The following RAD9B variants were observed in gnomAD, a reference collection of about 807,000 sequenced individuals.
RAD9B encodes the protein cell cycle checkpoint control protein RAD9B.
In RAD9B, 41 loss-of-function variants were observed where a neutral mutation model predicts 48.3. That is an observed-to-expected ratio of 0.85 (90% CI 0.66 to 1.10). The LOEUF (loss-of-function observed/expected upper bound fraction) is 1.10, where lower values mean the gene tolerates loss of function less well. RAD9B is among the 50% of genes least tolerant of loss of function. RAD9B has a pLI of 0.00. For synonymous variants in RAD9B, 160 were observed against 157.9 expected (o/e 1.01, Z -0.10); for missense variants, 444 against 485.1 (o/e 0.92, Z 0.80).
At chr12:110,521,222 T>G (rs1257208632) in intron 9 of RAD9B, among the ~76,000 whole-genome samples, 4 of 152,112 alleles carry the variant, frequency 2.6e-5, no homozygotes, top group African/African-American at 7.2e-5. Context: ...AGTAGCACAG[T>G]CATAGCTCAT....
At chr12:110,514,578 A>G (rs11065656) in intron 5 of RAD9B, among the ~76,000 whole-genome samples, 4,182 of 152,336 alleles carry the variant, frequency 0.027, 92 homozygotes, top group Admixed American at 0.052. Flanking sequence ...TGAAAGCAAC[A>G]GGTAACAGTC....
Position 110,525,907 on chromosome 12 carries a change from G to T in RAD9B, c.1125+3496G>T, listed in dbSNP as rs564883893. Among the ~76,000 whole-genome samples the T allele has an allele frequency of 6.9e-3, 1,044 of 152,228 alleles. 1 individual carries two copies. The highest frequency in any genetic ancestry group is 9.4e-3 in the Non-Finnish European group (637 of 68,006). ...GGGTTTCACCATCTTGGCCAGGCTG[G>T]TCTTGAACTCCTGACCTCGTGATCC... On this transcript the variant is annotated intron_variant, in intron 10 of 10. Transcript: ENST00000409300.
intron 3 of RAD9B, among the ~76,000 whole-genome samples, chr12:110,506,253 A>G (rs947307866): frequency 1.3e-5 from 2 of 148,286 alleles, no homozygotes; most frequent in South Asian, 2.1e-4. Flanking sequence ...CGGTGGCACA[A>G]TCTCGGCTCA....
intron 5 of RAD9B, among the ~76,000 whole-genome samples, chr12:110,514,782 G>A (rs2135691503): frequency 6.6e-6 from 1 of 152,242 alleles, no homozygotes; most frequent in South Asian, 2.1e-4. Flanking sequence ...ATTTTATTCT[G>A]GAATTTTGTT....
At chr12:110,503,372 G>A (rs181177918) in intron 1 of RAD9B, 26 of 166,382 alleles carry the variant, frequency 1.6e-4, no homozygotes, top group Non-Finnish European at 2.2e-4. Flanking sequence ...GATGTATGTT[G>A]GATACCCCTA....
chr12:110,526,564 C>T (rs1272924587), intron 10 of RAD9B, among the ~76,000 whole-genome samples: 1 of 152,166 alleles, frequency 6.6e-6, no homozygotes, highest in Non-Finnish European at 1.5e-5. Context: ...CTTTTCTAGC[C>T]TTAGGTTCTT....
intron 1 of RAD9B, 29 bp from the exon 2 acceptor site, chr12:110,503,777 A>G (rs576028246): frequency 6.6e-6 from 10 of 1,520,140 alleles, no homozygotes; most frequent in Admixed American, 5.2e-5. Context: ...GGGAAAGAAT[A>G]TAAGCATCAC....
rs2063681273 is a variant in RAD9B, at chr12:110,518,658, T to C, written c.596-18T>C. The C allele has an allele frequency of 1.3e-6, 2 of 1,500,276 alleles. No homozygotes were observed. Among genetic ancestry groups the C allele is most frequent in the Admixed American group, 2.2e-5 (1 of 45,462 alleles). The allele number at this position is 1,500,276 out of a possible 1,614,324, so 92.9% of individuals were successfully genotyped here. A position where few individuals can be genotyped will look rare whatever the true frequency, so the allele number is the denominator to read the frequency against. On this transcript the variant is annotated intron_variant, in intron 6 of 10. Transcript: ENST00000409300. ...CTGGAACTAATTTTATTCTTTATTT[T>C]CCCATAATATTAAACAGATTTGAGC...
chr12:110,531,570 G>T lies in RAD9B; in HGVS notation c.*917G>T. 6.4e-7 allele frequency: 1 copy of T among 1,560,718 alleles called. No homozygotes were observed. Among genetic ancestry groups the T allele is most frequent in the Admixed American group, 1.7e-5 (1 of 58,194 alleles). On this transcript the variant is annotated 3_prime_UTR_variant, in exon 11 of 11. Transcript: ENST00000409300. ...ATTTTCAGATGTGATTTTTTATTTT[G>T]CAGTGTGCTGCAGGAAAGAATTTAA...
At position 110,518,910 on chromosome 12, in the gene RAD9B, A is replaced by T; in HGVS notation, c.739A>T (p.Ile247Leu). The stretch of plus-strand genomic sequence containing the variant: ...ATTTTCAGAAGCTACACATGCTCCT[A>T]TATCCATTTATTTTGATTTCCCTGG... ...LTFSEATHAP[I>L]SIYFDFPGKP... Residue 247 changes from isoleucine to leucine, a missense_variant, in exon 8 of 11, where the codon ATA becomes TTA. By Grantham distance (5) the Ile-to-Leu change is conservative. Transcript: ENST00000409300. 1 of 1,572,322 alleles carries T rather than the reference A, an allele frequency of 6.4e-7. No individual in the cohort carries two copies. The highest frequency in any genetic ancestry group is 8.6e-7 in the Non-Finnish European group (1 of 1,159,516).
At chr12:110,515,383 A>T (rs2063575649) in intron 6 of RAD9B, among the ~76,000 whole-genome samples, 1 of 152,186 alleles carries the variant, frequency 6.6e-6, no homozygotes, top group Non-Finnish European at 1.5e-5. Context: ...GAATGGGGCC[A>T]GGTGCTGTGG....
chr12:110,525,609 A>C (rs924060720), intron 10 of RAD9B, among the ~76,000 whole-genome samples: 1 of 152,058 alleles, frequency 6.6e-6, no homozygotes, highest in African/African-American at 2.4e-5. Flanking sequence ...TGGTGGTGTT[A>C]ATTTCCATCA....
chr12:110,531,596 T>C lies in RAD9B; in HGVS notation c.*943T>C. 2 of 1,609,312 alleles carry C rather than the reference T, an allele frequency of 1.2e-6. No individual in the cohort carries two copies. Among genetic ancestry groups the C allele is most frequent in the Non-Finnish European group, 1.7e-6 (2 of 1,176,432 alleles). ...CAGTGTGCTGCAGGAAAGAATTTAA[T>C]GGAAGTGATGCCAAATATTTCTGTA... On this transcript the variant is annotated 3_prime_UTR_variant, in exon 11 of 11. Coordinates refer to ENST00000409300, the MANE Select transcript of RAD9B (RefSeq NM_001286535.2).
At chr12:110,520,560 A>T (rs1162472950) in intron 9 of RAD9B, among the ~76,000 whole-genome samples, 1 of 146,294 alleles carries the variant, frequency 6.8e-6, no homozygotes, top group African/African-American at 2.5e-5. Context: ...GTGTTTTCAC[A>T]GGAAAGTCTA....
In RAD9B at chr12:110,530,863, T is replaced by C; in HGVS notation, c.*210T>C. ...GTAACTTGCTTTAAATCCATTATGC[T>C]ACTTGTGAGGCAGAAGAGTTTTCTG... On this transcript the variant is annotated 3_prime_UTR_variant, in exon 11 of 11. Coordinates refer to ENST00000409300, the MANE Select transcript of RAD9B (RefSeq NM_001286535.2). 1.5e-6 allele frequency: 2 copies of C among 1,308,792 alleles called. No individual in the cohort carries two copies. Among genetic ancestry groups the C allele is most frequent in the Non-Finnish European group, 1.9e-6 (2 of 1,026,106 alleles). The allele number at this position is 1,308,792 out of a possible 1,614,324, so 81.1% of individuals were successfully genotyped here.
intron 10 of RAD9B, among the ~76,000 whole-genome samples, chr12:110,524,651 C>T (rs1239641442): frequency 6.6e-6 from 1 of 152,002 alleles, no homozygotes; most frequent in Non-Finnish European, 1.5e-5. Context: ...CCTGTAATCC[C>T]AGCATTTTGG....
At chr12:110,524,312 C>A (rs1329701727) in intron 10 of RAD9B, among the ~76,000 whole-genome samples, 1 of 152,168 alleles carries the variant, frequency 6.6e-6, no homozygotes, top group East Asian at 1.9e-4. Flanking sequence ...CCTGTAATCC[C>A]AGCACTTTGG....
In RAD9B at chr12:110,530,896, A is replaced by T; in HGVS notation, c.*243A>T. 8.1e-7 allele frequency: 1 copy of T among 1,237,122 alleles called. No homozygotes were observed. Among genetic ancestry groups the T allele is most frequent in the South Asian group, 2.4e-5 (1 of 41,378 alleles). The allele number at this position is 1,237,122 out of a possible 1,614,324, so 76.6% of individuals were successfully genotyped here. A position where few individuals can be genotyped will look rare whatever the true frequency, so the allele number is the denominator to read the frequency against. On this transcript the variant is annotated 3_prime_UTR_variant, in exon 11 of 11. Coordinates refer to ENST00000409300, the MANE Select transcript of RAD9B (RefSeq NM_001286535.2). Reference sequence around the variant, plus strand: ...AGGCAGAAGAGTTTTCTGTGAAGGAAAAAAGCCCATTAGAGTTCTTCAATT... The same window carrying T: ...AGGCAGAAGAGTTTTCTGTGAAGGATAAAAGCCCATTAGAGTTCTTCAATT...
intron 4 of RAD9B, among the ~76,000 whole-genome samples, chr12:110,509,216 C>T (rs1231268387): frequency 6.6e-6 from 1 of 152,066 alleles, no homozygotes; most frequent in Non-Finnish European, 1.5e-5. Flanking sequence ...GATCTGCCCT[C>T]CTTGGCCTTC....
Sources: gnomAD v4.1 joint callset for allele counts (sites outside exome capture counted in the v4.1 genomes callset) on GRCh38, gnomAD v4.1.1 for gene constraint, MANE v1.5 for transcripts, NCBI Gene and HGNC (gene_info 2026-07-23, HGNC 2026-07-21) for gene names.